The following PELP1 variants were observed in gnomAD, a reference collection of about 807,000 sequenced individuals.
The protein encoded by PELP1 is proline, glutamate and leucine rich protein 1.
In PELP1, 32 loss-of-function variants were observed where a neutral mutation model predicts 95.5. The observed-to-expected ratio is 0.34, with a 90% CI of 0.25 to 0.45. PELP1 has a LOEUF of 0.45. PELP1 is among the 20% of genes least tolerant of loss of function. PELP1 has a pLI of 1.00. For missense variants in PELP1, 1,358 were observed against 1,444.8 expected, an observed-to-expected ratio of 0.94 and a Z score of 0.97; for synonymous variants, 668 against 600.1, an observed-to-expected ratio of 1.11 and a Z score of -1.65.
intron 1 of PELP1, among the ~76,000 whole-genome samples, chr17:4,694,747 T>C (rs1019708771): frequency 6.0e-5 from 9 of 150,404 alleles, no homozygotes; most frequent in African/African-American, 2.2e-4. Context: ...CCGAGGCAGG[T>C]GGATCATGAG....
In PELP1 at chr17:4,672,554, G is replaced by A. The variant is rs759589618; in HGVS notation, c.2437C>T (p.Pro813Ser). The A allele has an allele frequency of 6.3e-7, 1 of 1,582,634 alleles. No homozygotes were observed. The highest frequency in any genetic ancestry group is 1.3e-5 in the African/African-American group (1 of 74,358). ...GGGGAGGCTGTTGGTGGCCCAGTGG[G>A]GGCTATAGGGGGTGGTGTGGCACCT... is the stretch of plus-strand genomic sequence containing the variant. The part of the protein sequence containing the change: ...PSGATPPPIA[P>S]TGPPTASPPV... The change falls in exon 16 of 17, where the codon CCC becomes TCC. Residue 813 changes from proline to serine, a missense_variant. By Grantham distance (74) the Pro-to-Ser change is moderately conservative. Coordinates refer to ENST00000572293, the MANE Select transcript of PELP1 (RefSeq NM_014389.3).
At position 4,671,482 on chromosome 17, in the gene PELP1, G is replaced by C; in HGVS notation, c.3350C>G (p.Pro1117Arg). 1.9e-6 allele frequency: 3 copies of C among 1,610,414 alleles called. No homozygotes were observed. Among genetic ancestry groups the C allele is most frequent in the Non-Finnish European group, 2.5e-6 (3 of 1,176,632 alleles). The change falls in exon 17 of 17, where the codon CCT (proline) becomes CGT (arginine). Residue 1117 changes from proline (P) to arginine (R), a missense_variant. Physicochemically the swap from Pro to Arg is moderately radical, Grantham distance 103. This residue lies in a region of PELP1 where 283 missense variants were observed against 284.1 expected (regional missense o/e 1.00). Transcript: ENST00000572293. ...AMLADFIDCP[P>R]DDEKPPPPTE... ...GGGAGGTGGTGGCTTCTCATCATCAGGGGGACAATCGATGAAGTCGGCCAG... is the reference window on the plus strand; with the variant it reads ...GGGAGGTGGTGGCTTCTCATCATCACGGGGACAATCGATGAAGTCGGCCAG...
In PELP1 at chr17:4,675,974, C is replaced by T. The variant is rs371573209; in HGVS notation, c.980+62G>A. The T allele has an allele frequency of 2.0e-5, 32 of 1,596,158 alleles. No homozygotes were observed. The highest frequency in any genetic ancestry group is 6.7e-5 in the East Asian group (3 of 44,720). ...TTCATCTCCTTTCTCCTGATGAAGGCGACACTCCCTCATCAATCCCTCCTG... is the reference window on the plus strand; with the variant it reads ...TTCATCTCCTTTCTCCTGATGAAGGTGACACTCCCTCATCAATCCCTCCTG... On this transcript the variant is annotated intron_variant, in intron 8 of 16. Transcript: ENST00000572293. The surrounding 1 kb of genome is among the most constrained non-coding windows in gnomAD (Gnocchi z 4.3).
intron 3 of PELP1, among the ~76,000 whole-genome samples, chr17:4,684,692 T>C (rs1342595727): frequency 6.6e-6 from 1 of 152,172 alleles, no homozygotes; most frequent in Admixed American, 6.6e-5. Flanking sequence ...TCTTGTCTTT[T>C]TTATTTTATT....
At chr17:4,679,749 T>A (rs192588034) in intron 5 of PELP1, among the ~76,000 whole-genome samples, 1 of 152,318 alleles carries the variant, frequency 6.6e-6, no homozygotes, top group African/African-American at 2.4e-5. Flanking sequence ...TCACTCCAAA[T>A]ACCTTCTTGA....
At position 4,674,652 on chromosome 17, in the gene PELP1, C is replaced by T. The variant is rs1187513260; in HGVS notation, c.1440G>A (p.Gly480=). 11 of 1,597,334 alleles carry T rather than the reference C, an allele frequency of 6.9e-6. No homozygotes were observed. The highest frequency in any genetic ancestry group is 9.4e-6 in the Non-Finnish European group (11 of 1,175,360). The change falls in exon 13 of 17, where the codon GGG becomes GGA. Residue 480 remains glycine (G), a synonymous_variant. Coordinates refer to ENST00000572293, the MANE Select transcript of PELP1 (RefSeq NM_014389.3). The stretch of plus-strand genomic sequence containing the variant: ...CAGTCTGCAAACTCCCATCAGGGCT[C>T]CCCCGCGGGCTACGCAGCTGGAGGC... ...ADALKLRSPR[G]SPDGSLQTGK... is the part of the protein sequence containing the mutation.
In PELP1 at chr17:4,698,658, C is replaced by A. The variant is rs1913400013; in HGVS notation, c.249+5205G>T. Among the ~76,000 whole-genome samples the A allele has an allele frequency of 4.0e-4, 32 of 80,976 alleles. 4 individuals are homozygous for A. The highest frequency in any genetic ancestry group is 0.018 in the Middle Eastern group (2 of 110). 53.1% of individuals were successfully genotyped at this position (80,976 alleles called of 152,430 possible). On this transcript the variant is annotated intron_variant, in intron 1 of 16. Coordinates refer to ENST00000572293, the MANE Select transcript of PELP1 (RefSeq NM_014389.3). ...TTGTCTCAAAAAAAAAAAAACAAGG[C>A]AAAACAAACAACAACAAAAAAAACA...
chr17:4,696,135 C>T (rs1043993201), intron 1 of PELP1, among the ~76,000 whole-genome samples: 3 of 151,796 alleles, frequency 2.0e-5, no homozygotes, highest in African/African-American at 7.3e-5. Context: ...CAAGATCAGC[C>T]TGTGCAACCG....
In PELP1 at chr17:4,686,513, T is replaced by TTTTC. The variant is rs367941754; in HGVS notation, c.421-3565_421-3562dup. Among the ~76,000 whole-genome samples, 34 of 152,120 alleles carry TTTTC rather than the reference T, an allele frequency of 2.2e-4. No homozygotes were observed. The East Asian group carries it at 5.8e-3, about 26-fold the overall frequency. On this transcript the variant is annotated intron_variant, in intron 3 of 16. Coordinates refer to ENST00000572293, the MANE Select transcript of PELP1 (RefSeq NM_014389.3). ...TTATCCACAGGCAGCCAGAGATATA[T>TTTTC]TTTCTTTCTTTCTTTCTTATTTGAG...
intron 1 of PELP1, among the ~76,000 whole-genome samples, chr17:4,699,155 G>A (rs113969246): frequency 1.3e-5 from 2 of 152,212 alleles, no homozygotes; most frequent in South Asian, 2.1e-4. Context: ...CGAGGCGGGC[G>A]GATCACGAGG....
intron 3 of PELP1, among the ~76,000 whole-genome samples, chr17:4,685,653 G>C (rs563143750): frequency 6.6e-6 from 1 of 151,896 alleles, no homozygotes; most frequent in African/African-American, 2.4e-5. Context: ...ATTAGCGGGG[G>C]GTGGTGGTAC....
At chr17:4,679,853 G>A (rs150781801) in intron 5 of PELP1, among the ~76,000 whole-genome samples, 13 of 152,188 alleles carry the variant, frequency 8.5e-5, no homozygotes, top group Admixed American at 5.9e-4. Flanking sequence ...ACAACCCCTC[G>A]CTCACTCAGA....
chr17:4,686,760 C>T (rs191768505), intron 3 of PELP1, among the ~76,000 whole-genome samples: 5 of 152,246 alleles, frequency 3.3e-5, no homozygotes, highest in Non-Finnish European at 1.5e-5. Context: ...TCAGGTGATC[C>T]GCCCACCTCG....
intron 1 of PELP1, 129 bp from the exon 2 acceptor site, chr17:4,691,571 G>C: frequency 1.4e-6 from 1 of 696,328 alleles, no homozygotes; most frequent in Non-Finnish European, 2.5e-6. Context: ...AGGCCAAAAG[G>C]CCATCCCACT....
intron 3 of PELP1, among the ~76,000 whole-genome samples, chr17:4,683,353 T>A (rs957754539): frequency 1.3e-5 from 2 of 151,346 alleles, no homozygotes; most frequent in African/African-American, 2.4e-5. Context: ...CCCGAGTAGC[T>A]GAGACTACAA....
chr17:4,683,185 G>C, intron 3 of PELP1: 1 of 747,726 alleles, frequency 1.3e-6, no homozygotes, highest in Non-Finnish European at 1.8e-6. Flanking sequence ...GAGTAACAAA[G>C]CTATACCTTA....
intron 1 of PELP1, among the ~76,000 whole-genome samples, chr17:4,703,091 A>G (rs1020860563): frequency 1.3e-5 from 2 of 152,192 alleles, no homozygotes; most frequent in Non-Finnish European, 2.9e-5. Flanking sequence ...TTCCATTCTT[A>G]TAGAAGTCCA....
chr17:4,677,424 C>A (rs1281288448), intron 5 of PELP1, among the ~76,000 whole-genome samples: 1 of 152,140 alleles, frequency 6.6e-6, no homozygotes, highest in African/African-American at 2.4e-5. Context: ...CTCCCACTAG[C>A]CTATTTGTAA....
rs1390738759 is a variant in PELP1 at position 4,670,117 on chromosome 17, T to C, written c.*1322A>G. On this transcript the variant is annotated 3_prime_UTR_variant, in exon 17 of 17. Coordinates refer to ENST00000572293, the MANE Select transcript of PELP1 (RefSeq NM_014389.3). Reference sequence around the variant, plus strand: ...TAGGCAAAGGTTATCTATTATACTGTTCTCACTTTTCTGTTTATTTCGAAA... The same window carrying C: ...TAGGCAAAGGTTATCTATTATACTGCTCTCACTTTTCTGTTTATTTCGAAA... The C allele has an allele frequency of 6.6e-6, 1 of 152,228 alleles. No individual in the cohort carries two copies. The highest frequency in any genetic ancestry group is 2.4e-5 in the African/African-American group (1 of 41,458). The allele number at this position is 152,228 out of a possible 1,614,324, so 9.4% of individuals were successfully genotyped here.
Sources: allele counts gnomAD v4.1 joint callset (sites outside exome capture counted in the v4.1 genomes callset), GRCh38; gene constraint gnomAD v4.1.1; regional missense constraint gnomAD v4.1.1; non-coding constraint Gnocchi (gnomAD v3.1); transcripts MANE v1.5; gene names NCBI Gene and HGNC (gene_info 2026-07-23, HGNC 2026-07-21).